ELMO1: variants seen among roughly 807,000 people sequenced by gnomAD.
ELMO1 encodes engulfment and cell motility protein 1.
ELMO1 carries 26 observed loss-of-function variants against 98.9 expected under a neutral mutation model. The ratio of observed to expected loss-of-function variants is 0.26; its 90% confidence interval spans 0.19 to 0.36. The LOEUF (loss-of-function observed/expected upper bound fraction) is 0.36, where lower values mean the gene tolerates loss of function less well. Among genes scored for constraint, ELMO1 ranks in the 10% least tolerant of loss-of-function variants. The pLI, the probability that ELMO1 is intolerant of heterozygous loss-of-function variation, is 1.00. For synonymous variants in ELMO1, 346 were observed against 346.0 expected, an observed-to-expected ratio of 1.00 and a Z score of 0.00; for missense variants, 627 against 935.2, an observed-to-expected ratio of 0.67 and a Z score of 4.30.
intron 16 of ELMO1, among the ~76,000 whole-genome samples, chr7:36,989,040 T>C (rs1204215199): frequency 1.3e-5 from 2 of 152,216 alleles, no homozygotes; most frequent in Non-Finnish European, 2.9e-5. Flanking sequence ...CTAGCTAACA[T>C]TTATTGAGCA....
At chr7:37,396,098 G>T (rs550997703) in intron 1 of ELMO1, among the ~76,000 whole-genome samples, 1 of 152,052 alleles carries the variant, frequency 6.6e-6, no homozygotes, top group Admixed American at 6.5e-5. Flanking sequence ...GTAATCAACA[G>T]TGGACCTTGA....
At chr7:37,367,199 T>C (rs1012031235) in intron 1 of ELMO1, among the ~76,000 whole-genome samples, 4 of 152,182 alleles carry the variant, frequency 2.6e-5, no homozygotes, top group Non-Finnish European at 5.9e-5. Flanking sequence ...AGACCAAAGG[T>C]CATCTCCTCA....
intron 16 of ELMO1, among the ~76,000 whole-genome samples, chr7:37,005,267 G>A (rs1792990087): frequency 6.6e-6 from 1 of 152,060 alleles, no homozygotes; most frequent in African/African-American, 2.4e-5. Context: ...GTTGGGAGAT[G>A]CAGGGTACAG....
intron 2 of ELMO1, among the ~76,000 whole-genome samples, chr7:37,321,460 G>C (rs1020081640): frequency 6.6e-6 from 1 of 151,994 alleles, no homozygotes; most frequent in Non-Finnish European, 1.5e-5. Context: ...GTTCACGCTT[G>C]TAATCCCAGC....
chr7:37,014,212 G>A (rs1332343817), intron 15 of ELMO1, among the ~76,000 whole-genome samples: 1 of 151,850 alleles, frequency 6.6e-6, no homozygotes, highest in African/African-American at 2.4e-5. Flanking sequence ...CATCCCATCT[G>A]TCAAGCTTAC....
intron 4 of ELMO1, among the ~76,000 whole-genome samples, chr7:37,305,493 G>T (rs531667649): frequency 2.0e-5 from 3 of 151,670 alleles, no homozygotes; most frequent in Middle Eastern, 3.4e-3. Context: ...TTTTCAAAAG[G>T]TAATTAATCA....
At chr7:37,428,129 G>A (rs1195294789) in intron 1 of ELMO1, among the ~76,000 whole-genome samples, 1 of 151,618 alleles carries the variant, frequency 6.6e-6, no homozygotes, top group African/African-American at 2.4e-5. Context: ...TAATAATGCA[G>A]GTATTATTAA....
chr7:37,225,809 A>G (rs73108977), intron 8 of ELMO1, among the ~76,000 whole-genome samples: 181 of 152,332 alleles, frequency 1.2e-3, no homozygotes, highest in Middle Eastern at 3.4e-3. Context: ...ATCCAAACAC[A>G]TGGGTACCAT....
chr7:37,421,032 A>G (rs1583730039), intron 1 of ELMO1, among the ~76,000 whole-genome samples: 1 of 152,254 alleles, frequency 6.6e-6, no homozygotes, highest in East Asian at 1.9e-4. Context: ...AGTGAAGCCC[A>G]GAACCCTAAG....
chr7:36,996,774 C>T (rs982747311), intron 16 of ELMO1, among the ~76,000 whole-genome samples: 5 of 152,074 alleles, frequency 3.3e-5, no homozygotes, highest in South Asian at 2.1e-4. Context: ...GATTTTTCAC[C>T]GGAAAGAGTG....
intron 15 of ELMO1, among the ~76,000 whole-genome samples, chr7:37,013,839 T>C (rs976648695): frequency 5.9e-5 from 9 of 152,234 alleles, no homozygotes; most frequent in Non-Finnish European, 7.3e-5. Context: ...TCAGAATAAC[T>C]GGCAGAAGAT....
chr7:37,165,263 T>A (rs1789579958), intron 13 of ELMO1, among the ~76,000 whole-genome samples: 1 of 152,120 alleles, frequency 6.6e-6, no homozygotes, highest in African/African-American at 2.4e-5. Context: ...TTCTAGATAT[T>A]CAATCATGTC....
At chr7:37,305,755 C>T (rs1030940108) in intron 4 of ELMO1, among the ~76,000 whole-genome samples, 2 of 152,176 alleles carry the variant, frequency 1.3e-5, no homozygotes, top group African/African-American at 2.4e-5. Context: ...ATTATATTCA[C>T]AGAACCACGT....
chr7:37,192,455 AC>A (rs1180949160), intron 13 of ELMO1, among the ~76,000 whole-genome samples: 1 of 143,016 alleles, frequency 7.0e-6, no homozygotes, highest in East Asian at 2.1e-4. Flanking sequence ...AGACCGTGCC[AC>A]TGAACTCCAT....
chr7:36,966,312 C>A (rs748960012), intron 16 of ELMO1, among the ~76,000 whole-genome samples: 1 of 152,126 alleles, frequency 6.6e-6, no homozygotes, highest in Non-Finnish European at 1.5e-5. Context: ...GGGAATCAGA[C>A]CTGAATCTAT....
intron 13 of ELMO1, among the ~76,000 whole-genome samples, chr7:37,188,723 G>T (rs1216806434): frequency 6.6e-6 from 1 of 152,020 alleles, no homozygotes; most frequent in East Asian, 1.9e-4. Context: ...ATTGTCACTG[G>T]TTCTGGAATA....
intron 14 of ELMO1, among the ~76,000 whole-genome samples, chr7:37,124,061 GA>G (rs1409231056): frequency 6.6e-6 from 1 of 152,062 alleles, no homozygotes; most frequent in Non-Finnish European, 1.5e-5. Context: ...AACAGATGCA[GA>G]AAAGTTTGAC....
intron 16 of ELMO1, among the ~76,000 whole-genome samples, chr7:36,900,503 GCA>G (rs1305141556): frequency 6.6e-6 from 1 of 152,212 alleles, no homozygotes. Context: ...GGTTTATAAA[GCA>G]CACTTTCACA....
chr7:37,272,787 A>G (rs1341810587), intron 4 of ELMO1, among the ~76,000 whole-genome samples: 1 of 152,240 alleles, frequency 6.6e-6, no homozygotes, highest in African/African-American at 2.4e-5. Flanking sequence ...TTCATGTTAT[A>G]TGACTGCATT....
Sources: allele counts gnomAD v4.1 joint callset (sites outside exome capture counted in the v4.1 genomes callset), GRCh38; gene constraint gnomAD v4.1.1; transcripts MANE v1.5; gene names NCBI Gene and HGNC (gene_info 2026-07-23, HGNC 2026-07-21).